The following NOL4 variants were observed in gnomAD, a reference collection of about 807,000 sequenced individuals.
NOL4 encodes the protein nucleolar protein 4.
NOL4 carries 17 observed loss-of-function variants against 75.9 expected under a neutral mutation model. The observed-to-expected ratio is 0.22, with a 90% CI of 0.15 to 0.34. NOL4 has a LOEUF of 0.34. NOL4 is among the 10% of genes least tolerant of loss of function. NOL4 has a pLI of 1.00. For synonymous variants in NOL4, 292 were observed against 289.9 expected, an observed-to-expected ratio of 1.01 and a Z score of -0.07; for missense variants, 614 against 793.5, an observed-to-expected ratio of 0.77 and a Z score of 2.72.
intron 1 of NOL4, among the ~76,000 whole-genome samples, chr18:34,208,811 G>A (rs1344180795): frequency 9.9e-5 from 15 of 151,968 alleles, no homozygotes; most frequent in African/African-American, 3.1e-4. Context: ...GCAGTAAGCC[G>A]AGATTGCGCC....
chr18:33,873,759 A>G (rs1474084374), intron 10 of NOL4, among the ~76,000 whole-genome samples: 1 of 152,030 alleles, frequency 6.6e-6, no homozygotes, highest in Admixed American at 6.6e-5. Flanking sequence ...GTAGTAAGAC[A>G]GTTTTAAAAA....
chr18:33,988,916 G>C (rs555686699), intron 6 of NOL4, among the ~76,000 whole-genome samples: 4 of 152,090 alleles, frequency 2.6e-5, no homozygotes, highest in Admixed American at 2.6e-4. Context: ...TTATTGGCAA[G>C]ACTGGGCACA....
chr18:34,222,976 G>A lies in NOL4; in HGVS notation c.264+14C>T, dbSNP rs2037432163. The A allele has an allele frequency of 1.9e-6, 3 of 1,602,984 alleles. No homozygotes were observed. Among genetic ancestry groups the A allele is most frequent in the African/African-American group, 1.3e-5 (1 of 74,894 alleles). On this transcript the variant is annotated intron_variant, in intron 1 of 10. Coordinates refer to ENST00000261592, the MANE Select transcript of NOL4 (RefSeq NM_003787.5). ...CTCCGGCAGACAAATAACAGAGGAA[G>A]GCGAGTCACTCACCGTGGTCTTGAC...
intron 10 of NOL4, among the ~76,000 whole-genome samples, chr18:33,881,905 T>G (rs2064304918): frequency 6.6e-6 from 1 of 151,944 alleles, no homozygotes; most frequent in Non-Finnish European, 1.5e-5. Context: ...AAGCCGCATA[T>G]CTACAACTAT....
chr18:34,223,099 T>C lies in NOL4; in HGVS notation c.155A>G (p.Lys52Arg). The C allele has an allele frequency of 6.2e-7, 1 of 1,614,150 alleles. No individual in the cohort carries two copies. Among genetic ancestry groups the C allele is most frequent in the Non-Finnish European group, 8.5e-7 (1 of 1,180,032 alleles). Residue 52 changes from lysine to arginine, a missense_variant, in exon 1 of 11, where the codon AAA becomes AGA. Lys to Arg is a conservative substitution (Grantham distance 26). This residue lies in a region of NOL4 where 4 missense variants were observed against 18.8 expected (regional missense o/e 0.21). Transcript: ENST00000261592. ...CTTCGATTTGACCCAGAATTTAAAT[T>C]TGGCGTTGTCCGTGGAGCTCGACTC... The part of the protein sequence containing the change: ...GSESSSTDNA[K>R]FKFWVKSKGF...
At chr18:34,054,735 T>C (rs2076762847) in intron 5 of NOL4, among the ~76,000 whole-genome samples, 1 of 151,718 alleles carries the variant, frequency 6.6e-6, no homozygotes, top group Non-Finnish European at 1.5e-5. Context: ...GGAGATACTA[T>C]TGCCATTTTG....
chr18:33,993,307 G>A (rs1197443366), intron 6 of NOL4, among the ~76,000 whole-genome samples: 2 of 151,954 alleles, frequency 1.3e-5, no homozygotes, highest in Non-Finnish European at 2.9e-5. Flanking sequence ...GTCTAAGAGA[G>A]CTTAACAAAA....
intron 5 of NOL4, among the ~76,000 whole-genome samples, chr18:34,047,072 G>A (rs1333900189): frequency 6.6e-6 from 1 of 151,974 alleles, no homozygotes; most frequent in Non-Finnish European, 1.5e-5. Context: ...TTCTAGTTTT[G>A]TGTGTACTTC....
At chr18:33,963,742 C>T (rs995920648) in intron 6 of NOL4, among the ~76,000 whole-genome samples, 5 of 152,132 alleles carry the variant, frequency 3.3e-5, no homozygotes, top group African/African-American at 1.2e-4. Context: ...AGCAAAGAGG[C>T]TTCTGAGAAT....
intron 1 of NOL4, among the ~76,000 whole-genome samples, chr18:34,163,085 A>G (rs1374191615): frequency 6.8e-6 from 1 of 146,194 alleles, no homozygotes; most frequent in African/African-American, 2.5e-5. Flanking sequence ...TTGATGGGAC[A>G]TATCTCAAAA....
At chr18:33,936,808 T>C (rs989671077) in intron 9 of NOL4, among the ~76,000 whole-genome samples, 4 of 152,170 alleles carry the variant, frequency 2.6e-5, no homozygotes, top group African/African-American at 9.6e-5. Flanking sequence ...ATCAAGCCTG[T>C]TAATAAAATG....
intron 9 of NOL4, among the ~76,000 whole-genome samples, chr18:33,898,078 A>G (rs940123572): frequency 5.9e-5 from 9 of 151,924 alleles, no homozygotes; most frequent in African/African-American, 2.2e-4. Context: ...CAGACAATAT[A>G]TATTTTTTAA....
chr18:33,993,446 A>G (rs189597333), intron 6 of NOL4, among the ~76,000 whole-genome samples: 1 of 152,062 alleles, frequency 6.6e-6, no homozygotes. Context: ...GAAAGTCACT[A>G]ACCAAATAAA....
intron 1 of NOL4, among the ~76,000 whole-genome samples, chr18:34,138,277 C>A (rs2080984259): frequency 6.6e-6 from 1 of 152,004 alleles, no homozygotes; most frequent in Admixed American, 6.6e-5. Flanking sequence ...TGACACATGC[C>A]TGTAGTCCCA....
At chr18:34,136,521 G>C (rs998432748) in intron 1 of NOL4, among the ~76,000 whole-genome samples, 2 of 151,930 alleles carry the variant, frequency 1.3e-5, no homozygotes, top group African/African-American at 2.4e-5. Context: ...AAAATCAATT[G>C]TAGTTTTTAT....
intron 8 of NOL4, among the ~76,000 whole-genome samples, chr18:33,943,922 C>T (rs949777934): frequency 2.6e-5 from 4 of 151,864 alleles, no homozygotes; most frequent in African/African-American, 9.7e-5. Context: ...TTGTTTGCAG[C>T]TCTCAATATC....
At chr18:34,041,678 C>CT (rs1047929217) in intron 5 of NOL4, among the ~76,000 whole-genome samples, 10 of 151,812 alleles carry the variant, frequency 6.6e-5, no homozygotes, top group African/African-American at 2.2e-4. Flanking sequence ...TATAGATTTT[C>CT]TTTTTTTTCT....
At chr18:34,008,587 GAA>G (rs2074191251) in intron 6 of NOL4, among the ~76,000 whole-genome samples, 1 of 151,886 alleles carries the variant, frequency 6.6e-6, no homozygotes, top group Non-Finnish European at 1.5e-5. Context: ...TATTTTACGT[GAA>G]GTTTGCACAT....
intron 9 of NOL4, among the ~76,000 whole-genome samples, chr18:33,894,391 T>C (rs1315888761): frequency 6.6e-6 from 1 of 152,128 alleles, no homozygotes. Flanking sequence ...ATTTCTTTCA[T>C]GTAGTTAGGA....
Sources: gnomAD v4.1 joint callset for allele counts (sites outside exome capture counted in the v4.1 genomes callset) on GRCh38, gnomAD v4.1.1 for gene constraint, gnomAD v4.1.1 regional missense constraint, MANE v1.5 for transcripts, NCBI Gene and HGNC (gene_info 2026-07-23, HGNC 2026-07-21) for gene names.